The following FBN3 variants were observed in gnomAD, a reference collection of about 807,000 sequenced individuals.
FBN3 encodes the protein fibrillin 3, also known as fibrillin-3.
A neutral mutation model predicts 330.1 loss-of-function variants in FBN3; 234 were observed. The observed-to-expected ratio is 0.71, with a 90% CI of 0.64 to 0.79. The LOEUF (loss-of-function observed/expected upper bound fraction) is 0.79. FBN3 is among the 30% of genes least tolerant of loss of function. The pLI is 0.00. For missense variants in FBN3, 3,606 were observed against 3,886.9 expected (o/e 0.93, Z 1.92); for synonymous variants, 1,458 against 1,517.3 (o/e 0.96, Z 0.91).
intron 13 of FBN3, 25 bp downstream of exon 13, chr19:8,135,936 G>GGGGGGGCACCCCCCCCCC: frequency 1.5e-6 from 1 of 668,778 alleles, no homozygotes; most frequent in Non-Finnish European, 2.4e-6. Context: ...GGAAGCCCCT[G>GGGGGGGCACCCCCCCCCC]CCCACCCGCC....
At chr19:8,122,885 G>A (rs372275295) in intron 24 of FBN3, among the ~76,000 whole-genome samples, 1 of 149,252 alleles carries the variant, frequency 6.7e-6, no homozygotes, top group African/African-American at 2.5e-5. Context: ...GGATGGTCTC[G>A]ATCTCCTGAC....
At chr19:8,084,670 T>A (rs1378590797) in intron 56 of FBN3, among the ~76,000 whole-genome samples, 1 of 152,054 alleles carries the variant, frequency 6.6e-6, no homozygotes, top group Non-Finnish European at 1.5e-5. Context: ...CACTGCAAGC[T>A]CTGCCTCCCG....
Position 8,136,546 on chromosome 19 carries a change from G to A in FBN3, c.1202-15C>T, listed in dbSNP as rs745672381. 71 of 1,613,492 alleles carry A rather than the reference G, an allele frequency of 4.4e-5. No individual in the cohort carries two copies. The highest frequency in any genetic ancestry group is 2.0e-4 in the African/African-American group (15 of 74,912). ...GGTAGCAGTGCCTACGGGTGGGGCCGGCAGAGGCATCTGAGCAGTGGCTGG... is the reference window on the plus strand; with the variant it reads ...GGTAGCAGTGCCTACGGGTGGGGCCAGCAGAGGCATCTGAGCAGTGGCTGG... On this transcript the variant is annotated splice_polypyrimidine_tract_variant and intron_variant, in intron 10 of 63. Coordinates refer to ENST00000600128, the MANE Select transcript of FBN3 (RefSeq NM_032447.5).
intron 55 of FBN3, 120 bp from the exon 56 acceptor site, chr19:8,085,689 G>A (rs1277979332): frequency 1.5e-5 from 11 of 722,152 alleles, no homozygotes; most frequent in African/African-American, 3.6e-5. Context: ...TGTCCAGGAG[G>A]GAGTTGGATA....
chr19:8,096,443 C>T lies in FBN3; in HGVS notation c.5539+1G>A, dbSNP rs753121464. 1 of 1,613,104 alleles carries T rather than the reference C, an allele frequency of 6.2e-7. No homozygotes were observed. Among genetic ancestry groups the T allele is most frequent in the Admixed American group, 1.7e-5 (1 of 59,898 alleles). On this transcript the variant is annotated splice_donor_variant, in intron 44 of 63. Coordinates refer to ENST00000600128, the MANE Select transcript of FBN3 (RefSeq NM_032447.5). LOFTEE classifies it high-confidence loss of function. This position sits in a 1 kb window ranked among gnomAD's most constrained non-coding sequence, Gnocchi z 4.6. ...AAGGAGGGGGAAGATAAGGGTCTCA[C>T]CCATGCACAGGGTCTGGTCTGCAGA...
At chr19:8,091,354 G>C (rs1050643184) in intron 48 of FBN3, 111 bp downstream of exon 48, 1 of 1,392,636 alleles carries the variant, frequency 7.2e-7, no homozygotes, top group African/African-American at 1.4e-5. Flanking sequence ...ACCTCTGCCT[G>C]GTCAGAGCTC....
At chr19:8,069,859 T>G (rs1275394390) in intron 63 of FBN3, among the ~76,000 whole-genome samples, 1 of 152,180 alleles carries the variant, frequency 6.6e-6, no homozygotes, top group African/African-American at 2.4e-5. Context: ...ATCCCAGCAC[T>G]CTGGGAGTCT....
chr19:8,103,718 G>A lies in FBN3; in HGVS notation c.4814-31C>T, dbSNP rs767097974. On this transcript the variant is annotated intron_variant, in intron 38 of 63. Coordinates refer to ENST00000600128, the MANE Select transcript of FBN3 (RefSeq NM_032447.5). ...GGGAAAGAAGGGGTGGAGGGGAACA[G>A]TGGGCAGCGTCCAGGAATTGTCTGA... 1.9e-6 allele frequency: 3 copies of A among 1,605,702 alleles called. No homozygotes were observed. The East Asian group carries it at 6.7e-5, about 36-fold the overall frequency.
chr19:8,124,106 C>G (rs572839680), intron 22 of FBN3, 98 bp from the exon 23 acceptor site: 1 of 1,061,936 alleles, frequency 9.4e-7, no homozygotes. Flanking sequence ...AACTTTCTCC[C>G]GGACGTAGTC....
rs1175386448 is a variant in FBN3 at position 8,111,194 on chromosome 19, C to T, written c.4085-11G>A. Reference sequence around the variant, plus strand: ...CACATTCATCCCTGTCTGAGGGGCCCCAAGATTCGGAGGGCTGGAGGCCGG... The same window carrying T: ...CACATTCATCCCTGTCTGAGGGGCCTCAAGATTCGGAGGGCTGGAGGCCGG... On this transcript the variant is annotated splice_polypyrimidine_tract_variant and intron_variant, in intron 32 of 63. Coordinates refer to ENST00000600128, the MANE Select transcript of FBN3 (RefSeq NM_032447.5). The T allele has an allele frequency of 6.3e-7, 1 of 1,581,744 alleles. No homozygotes were observed. The highest frequency in any genetic ancestry group is 8.6e-7 in the Non-Finnish European group (1 of 1,163,576).
At chr19:8,090,402 T>C (rs768878869) in intron 48 of FBN3, 151 bp from the exon 49 acceptor site, 18 of 845,328 alleles carry the variant, frequency 2.1e-5, no homozygotes, top group African/African-American at 3.4e-5. Context: ...TCATGGTGAT[T>C]GGTTTGAGTA....
Position 8,123,552 on chromosome 19 carries a change from C to A in FBN3, c.2994G>T (p.Thr998=), listed in dbSNP as rs61729602. Residue 998 remains threonine (T), a synonymous_variant, in exon 24 of 64, where the codon ACG becomes ACT. Coordinates refer to ENST00000600128, the MANE Select transcript of FBN3 (RefSeq NM_032447.5). ...NECKVFPGLC[T]HGTCRNTVGS... ...CCACCGTGTTTCTGCAGGTACCGTG[C>A]GTGCAGAGGCCAGGGAACACCTTGC... 7.4e-6 allele frequency: 12 copies of A among 1,614,138 alleles called. No individual in the cohort carries two copies. The Middle Eastern group carries it at 1.3e-3, about 178-fold the overall frequency.
In FBN3 at chr19:8,111,068, C is replaced by T. The variant is rs1165306369; in HGVS notation, c.4200G>A (p.Arg1400=). 1 of 1,613,194 alleles carries T rather than the reference C, an allele frequency of 6.2e-7. No homozygotes were observed. The highest frequency in any genetic ancestry group is 1.7e-5 in the Admixed American group (1 of 59,978). ...EMGFDPTEDH[R]ACQDVDECAQ... ...CGGGCCCAACCTTACCCTGGCAGGC[C>T]CGGTGGTCCTCGGTGGGGTCAAAGC... Residue 1400 remains arginine, a synonymous_variant, in exon 33 of 64, where the codon CGG becomes CGA. Transcript: ENST00000600128.
intron 13 of FBN3, 126 bp downstream of exon 13, chr19:8,135,835 A>G: frequency 9.6e-7 from 1 of 1,038,548 alleles, no homozygotes; most frequent in Non-Finnish European, 1.4e-6. Context: ...CTGGGTTCAG[A>G]GGTGAGCAGA....
intron 47 of FBN3, 101 bp downstream of exon 47, chr19:8,094,345 T>C (rs1246232542): frequency 4.5e-5 from 58 of 1,298,430 alleles, no homozygotes; most frequent in Non-Finnish European, 6.0e-5. Flanking sequence ...GTTAAGTACA[T>C]CTCCACCTTC....
chr19:8,129,178 G>C lies in FBN3; in HGVS notation c.2171-25C>G, dbSNP rs573291550. The C allele has an allele frequency of 6.2e-7, 1 of 1,612,168 alleles. No individual in the cohort carries two copies. Among genetic ancestry groups the C allele is most frequent in the African/African-American group, 1.3e-5 (1 of 75,014 alleles). ...TCTGTGGGGTGGGGGTGGGAGAGAG[G>C]GGTGAGGGGTCTGCAGTGGGAGAGG... On this transcript the variant is annotated intron_variant, in intron 17 of 63. Coordinates refer to ENST00000600128, the MANE Select transcript of FBN3 (RefSeq NM_032447.5). This position sits in a 1 kb window ranked among gnomAD's most constrained non-coding sequence, Gnocchi z 4.5.
chr19:8,134,656 G>A (rs1039188283), intron 13 of FBN3, among the ~76,000 whole-genome samples: 16 of 152,266 alleles, frequency 1.1e-4, no homozygotes, highest in East Asian at 9.6e-4. Context: ...ATACATGGCC[G>A]GGCGCAATGG....
chr19:8,094,374 ATT>A (rs905174795), intron 47 of FBN3, 70 bp downstream of exon 47: 19 of 1,521,038 alleles, frequency 1.2e-5, no homozygotes, highest in Non-Finnish European at 1.7e-5. Flanking sequence ...CCTAGCTGGT[ATT>A]CCCATTTTAT....
chr19:8,148,520 G>GC (rs1012086304), intron 1 of FBN3, among the ~76,000 whole-genome samples: 4 of 152,318 alleles, frequency 2.6e-5, no homozygotes, highest in African/African-American at 7.2e-5. Flanking sequence ...ACTCGCTCCT[G>GC]CCCCCCTTGG....
Sources: gnomAD v4.1 joint callset for allele counts (sites outside exome capture counted in the v4.1 genomes callset) on GRCh38, gnomAD v4.1.1 for gene constraint, Gnocchi (gnomAD v3.1) non-coding constraint, MANE v1.5 for transcripts, NCBI Gene and HGNC (gene_info 2026-07-23, HGNC 2026-07-21) for gene names.